The following SP140 variants were observed in gnomAD, a reference collection of about 807,000 sequenced individuals.
SP140 encodes nuclear body protein SP140.
SP140 carries 81 observed loss-of-function variants against 125.0 expected under a neutral mutation model. The observed-to-expected ratio is 0.65, with a 90% CI of 0.54 to 0.78. The LOEUF (loss-of-function observed/expected upper bound fraction) is 0.78. Among genes scored for constraint, SP140 ranks in the 30% least tolerant of loss-of-function variants. The pLI, the probability that SP140 is intolerant of heterozygous loss-of-function variation, is 0.00. For synonymous variants in SP140, 312 were observed against 354.0 expected (o/e 0.88, Z 1.33); for missense variants, 858 against 1,037.0 (o/e 0.83, Z 2.37).
chr2:230,208,043 T>A, intron 1 of SP140: 1 of 1,552,658 alleles, frequency 6.4e-7, no homozygotes, highest in Non-Finnish European at 8.9e-7. Flanking sequence ...ACCAGATACA[T>A]CTTTTTCTTT....
intron 22 of SP140, among the ~76,000 whole-genome samples, chr2:230,299,999 C>T (rs2058138346): frequency 6.6e-6 from 1 of 152,158 alleles, no homozygotes; most frequent in Non-Finnish European, 1.5e-5. Flanking sequence ...AACCCTGCCC[C>T]CAGCTGATGG....
intron 3 of SP140, among the ~76,000 whole-genome samples, chr2:230,217,750 G>A (rs1415333177): frequency 1.3e-5 from 2 of 152,148 alleles, no homozygotes; most frequent in Non-Finnish European, 2.9e-5. Flanking sequence ...GTGTTCTATG[G>A]CCACACTGAT....
intron 12 of SP140, among the ~76,000 whole-genome samples, chr2:230,267,133 T>C (rs1348673110): frequency 6.6e-6 from 1 of 152,200 alleles, no homozygotes; most frequent in African/African-American, 2.4e-5. Context: ...AGTGAGACAT[T>C]AAACAAAGCT....
intron 7 of SP140, 112 bp from the exon 8 acceptor site, chr2:230,247,804 C>T (rs2049707209): frequency 9.5e-7 from 1 of 1,047,160 alleles, no homozygotes; most frequent in Non-Finnish European, 1.4e-6. Flanking sequence ...AGGCTTAGCC[C>T]TGTGCTTGAA....
chr2:230,301,975 G>C (rs992730769), intron 22 of SP140, among the ~76,000 whole-genome samples: 2 of 152,108 alleles, frequency 1.3e-5, no homozygotes, highest in Non-Finnish European at 2.9e-5. Flanking sequence ...GCGAGCAGGA[G>C]TAGGTATTCT....
At chr2:230,229,956 C>T (rs1255764533) in intron 1 of SP140, among the ~76,000 whole-genome samples, 4 of 151,850 alleles carry the variant, frequency 2.6e-5, no homozygotes, top group Non-Finnish European at 5.9e-5. Flanking sequence ...TCCCTACCCC[C>T]TGGCTTTTTT....
chr2:230,284,683 T>A (rs1421115941), intron 16 of SP140, among the ~76,000 whole-genome samples: 1 of 152,222 alleles, frequency 6.6e-6, no homozygotes, highest in East Asian at 1.9e-4. Flanking sequence ...AGTATTTTTA[T>A]TAATTTGGAA....
upstream of SP140, chr2:230,200,658 G>C (rs771750849): frequency 1.7e-6 from 1 of 578,780 alleles, no homozygotes; most frequent in Non-Finnish European, 3.1e-6. Flanking sequence ...ATCTTATATA[G>C]TGCAGATATA....
intron 10 of SP140, 151 bp downstream of exon 10, chr2:230,251,212 A>T (rs781274199): frequency 4.5e-6 from 3 of 673,706 alleles, no homozygotes; most frequent in Non-Finnish European, 7.6e-6. Flanking sequence ...CTATACATGG[A>T]TATTTGAGAA....
At chr2:230,254,513 C>A (rs1284968014) in intron 11 of SP140, among the ~76,000 whole-genome samples, 1 of 152,174 alleles carries the variant, frequency 6.6e-6, no homozygotes, top group South Asian at 2.1e-4. Context: ...TATCTTGGGA[C>A]CTTCTTTATT....
intron 15 of SP140, among the ~76,000 whole-genome samples, chr2:230,279,109 TAAC>T (rs2055151016): frequency 1.3e-5 from 2 of 152,116 alleles, no homozygotes; most frequent in South Asian, 4.1e-4. Flanking sequence ...GGAACCAAGT[TAAC>T]AAGAGGTGAA....
intron 3 of SP140, chr2:230,239,138 C>CAAAAAAA: frequency 1.1e-6 from 1 of 940,352 alleles, no homozygotes; most frequent in Non-Finnish European, 1.4e-6. Context: ...TACCTTGATT[C>CAAAAAAA]AAAAAAGAGG....
At chr2:230,205,256 AG>A (rs1211086644) in intron 1 of SP140, among the ~76,000 whole-genome samples, 4 of 152,164 alleles carry the variant, frequency 2.6e-5, no homozygotes, top group African/African-American at 9.7e-5. Flanking sequence ...CAGGCTCCCA[AG>A]GGCCTGTGAA....
intron 18 of SP140, among the ~76,000 whole-genome samples, chr2:230,289,900 A>C (rs1280072830): frequency 1.3e-5 from 2 of 152,154 alleles, no homozygotes; most frequent in African/African-American, 4.8e-5. Context: ...TATAATTTTC[A>C]GATTATTCTA....
chr2:230,205,093 G>A (rs1208202808), intron 1 of SP140, among the ~76,000 whole-genome samples: 1 of 152,114 alleles, frequency 6.6e-6, no homozygotes, highest in East Asian at 1.9e-4. Context: ...ATTTAAGCAT[G>A]GAAATAAACT....
At chr2:230,223,054 T>C (rs2045952231), upstream of SP140, among the ~76,000 whole-genome samples, 2 of 151,596 alleles carry the variant, frequency 1.3e-5, no homozygotes, top group South Asian at 4.2e-4. Flanking sequence ...TTTTTTTTTT[T>C]TGAGACAGAG....
At chr2:230,201,964 G>T (rs1225293355), upstream of SP140, among the ~76,000 whole-genome samples, 3 of 152,124 alleles carry the variant, frequency 2.0e-5, no homozygotes, top group Non-Finnish European at 2.9e-5. Flanking sequence ...AGATATCTGT[G>T]TAAGGCCAGA....
At chr2:230,249,664 AC>A (rs1210869661) in intron 9 of SP140, among the ~76,000 whole-genome samples, 1 of 152,206 alleles carries the variant, frequency 6.6e-6, no homozygotes, top group Non-Finnish European at 1.5e-5. Context: ...TACAATAACA[AC>A]AGCAATATGG....
Position 230,211,681 on chromosome 2 carries a change from G to A in SP140, c.-322-1973G>A. On this transcript the variant is annotated intron_variant, in intron 1 of 4. Coordinates refer to the SP140 transcript ENST00000456542. The surrounding 1 kb of genome is among the most constrained non-coding windows in gnomAD (Gnocchi z 4.2). ...TAACAGCAACCAAGGCCTGGGAAAG[G>A]ATGGCATAGAGTGGGAAAGTAAGCA... The A allele has an allele frequency of 2.8e-6, 2 of 706,172 alleles. No homozygotes were observed. The highest frequency in any genetic ancestry group is 3.0e-5 in the South Asian group (2 of 66,776). The allele number at this position is 706,172 out of a possible 1,614,324, so 43.7% of individuals were successfully genotyped here.
Sources: gnomAD v4.1 joint callset for allele counts (sites outside exome capture counted in the v4.1 genomes callset) on GRCh38, gnomAD v4.1.1 for gene constraint, Gnocchi (gnomAD v3.1) non-coding constraint, MANE v1.5 for transcripts, NCBI Gene and HGNC (gene_info 2026-07-23, HGNC 2026-07-21) for gene names.